Variants in LYZL4 observed in about 807,000 individuals in gnomAD.
The protein encoded by LYZL4 is lysozyme-like protein 4.
Under a neutral mutation model 17.6 loss-of-function variants are expected in LYZL4, and 13 were observed. That is an observed-to-expected ratio of 0.74 (90% CI 0.48 to 1.18). LYZL4 has a LOEUF of 1.18. LYZL4 is among the 50% of genes most tolerant of loss of function. The pLI is 0.00. For missense variants in LYZL4, 174 were observed against 188.2 expected, an observed-to-expected ratio of 0.92 and a Z score of 0.44; for synonymous variants, 64 against 67.7, an observed-to-expected ratio of 0.95 and a Z score of 0.27.
chr3:42,376,718 T>C, the LYZL4 span, among the ~76,000 whole-genome samples: 2 of 152,134 alleles, frequency 1.3e-5, no homozygotes, highest in Non-Finnish European at 2.9e-5. Context: ...TTCCCACTGG[T>C]AGCCTCAACC....
chr3:42,364,052 C>T, the LYZL4 span, among the ~76,000 whole-genome samples: 4 of 152,268 alleles, frequency 2.6e-5, no homozygotes, highest in South Asian at 4.1e-4. Flanking sequence ...GAACACAAGA[C>T]GGTAAGAGGC....
In LYZL4 at chr3:42,406,899, C is replaced by T. The variant is rs1288721857; in HGVS notation, c.239G>A (p.Gly80Asp). 1.9e-6 allele frequency: 3 copies of T among 1,614,088 alleles called. No homozygotes were observed. Among genetic ancestry groups the T allele is most frequent in the Admixed American group, 3.3e-5 (2 of 60,008 alleles). ...YTGFGLFQMR[G>D]SDWCGDHGRN... ...GCCATGGTCGCCACACCAGTCACTG[C>T]CACGCATCTGAAAGAGGCCAAAGCC... The change falls in exon 3 of 5, where the codon GGC (glycine) becomes GAC (aspartate). Residue 80 changes from glycine to aspartate, a missense_variant. By Grantham distance (94) the Gly-to-Asp change is moderately conservative. Transcript: ENST00000287748.
At chr3:42,384,259 C>T in the LYZL4 span, among the ~76,000 whole-genome samples, 4,360 of 152,218 alleles carry the variant, frequency 0.029, 218 homozygotes, top group African/African-American at 0.097. Flanking sequence ...TTCAGACATG[C>T]AACATCTCAA....
At chr3:42,368,182 C>T in the LYZL4 span, among the ~76,000 whole-genome samples, 6 of 152,196 alleles carry the variant, frequency 3.9e-5, no homozygotes, top group East Asian at 1.9e-4. Context: ...CTAGTTGCTG[C>T]GGAGCCCCAG....
At chr3:42,379,926 G>A in the LYZL4 span, among the ~76,000 whole-genome samples, 1 of 152,186 alleles carries the variant, frequency 6.6e-6, no homozygotes, top group East Asian at 1.9e-4. Flanking sequence ...AGGAAACACA[G>A]GATCTCTCTC....
chr3:42,376,461 A>T, the LYZL4 span, among the ~76,000 whole-genome samples: 1 of 152,234 alleles, frequency 6.6e-6, no homozygotes, highest in Non-Finnish European at 1.5e-5. Context: ...ACATGTGCTC[A>T]TCTGGCTGAT....
the LYZL4 span, among the ~76,000 whole-genome samples, chr3:42,385,995 C>A: frequency 6.6e-6 from 1 of 152,166 alleles, no homozygotes; most frequent in South Asian, 2.1e-4. Context: ...TCTGGAAGCT[C>A]TAGGGGATAA....
At chr3:42,390,310 A>G in the LYZL4 span, among the ~76,000 whole-genome samples, 1 of 152,214 alleles carries the variant, frequency 6.6e-6, no homozygotes, top group Non-Finnish European at 1.5e-5. Flanking sequence ...GATGAGCTAT[A>G]GATGTCAGCA....
chr3:42,394,254 C>T (rs247418), downstream of LYZL4, among the ~76,000 whole-genome samples: 39,386 of 152,142 alleles, frequency 0.26, 5,321 homozygotes, highest in Middle Eastern at 0.31. Flanking sequence ...TTGCCTAATA[C>T]CTCTTAAGTG....
the LYZL4 span, among the ~76,000 whole-genome samples, chr3:42,362,942 T>C: frequency 1.3e-5 from 2 of 152,180 alleles, no homozygotes; most frequent in Admixed American, 1.3e-4. Flanking sequence ...TCCTGAAAGA[T>C]GCAACATGAA....
the LYZL4 span, among the ~76,000 whole-genome samples, chr3:42,389,289 G>A: frequency 6.6e-6 from 1 of 152,148 alleles, no homozygotes; most frequent in Admixed American, 6.5e-5. Flanking sequence ...AGATTCACAG[G>A]CCAGAATTCT....
At chr3:42,384,530 A>G in the LYZL4 span, among the ~76,000 whole-genome samples, 2 of 152,256 alleles carry the variant, frequency 1.3e-5, no homozygotes, top group African/African-American at 4.8e-5. Flanking sequence ...AGAAAACCCA[A>G]TGAATCTGAA....
At chr3:42,388,762 C>A in the LYZL4 span, among the ~76,000 whole-genome samples, 1 of 152,206 alleles carries the variant, frequency 6.6e-6, no homozygotes, top group South Asian at 2.1e-4. Context: ...ACAATCAGTC[C>A]TGCTGAGGCT....
downstream of LYZL4, among the ~76,000 whole-genome samples, chr3:42,395,925 G>C (rs1429077848): frequency 6.6e-6 from 1 of 152,112 alleles, no homozygotes; most frequent in East Asian, 1.9e-4. Context: ...GCCAGGTGTT[G>C]TTGGTGCGTG....
downstream of LYZL4, among the ~76,000 whole-genome samples, chr3:42,396,134 T>C (rs1199199191): frequency 6.6e-6 from 1 of 152,212 alleles, no homozygotes; most frequent in African/African-American, 2.4e-5. Context: ...GTGTGTCATA[T>C]ACTGAAATAC....
At position 42,397,245 on chromosome 3, in the gene LYZL4, T is replaced by G. The variant is rs756921746; in HGVS notation, c.*20A>C. On this transcript the variant is annotated 3_prime_UTR_variant, in exon 5 of 5. Coordinates refer to ENST00000287748, the MANE Select transcript of LYZL4 (RefSeq NM_144634.4). Reference sequence around the variant, plus strand: ...TTCACAAGATGCAACTGGTGAGTGCTGCAGGGGCCATGCAGGTGGCTACAG... The same window carrying G: ...TTCACAAGATGCAACTGGTGAGTGCGGCAGGGGCCATGCAGGTGGCTACAG... 6.5e-6 allele frequency: 10 copies of G among 1,540,372 alleles called. No individual in the cohort carries two copies. The highest frequency in any genetic ancestry group is 7.9e-6 in the Non-Finnish European group (9 of 1,135,326).
the LYZL4 span, among the ~76,000 whole-genome samples, chr3:42,368,938 T>C: frequency 1.3e-5 from 2 of 152,252 alleles, no homozygotes; most frequent in African/African-American, 2.4e-5. Context: ...TATTGTGAAT[T>C]GCCTATTCAC....
At chr3:42,404,885 C>T (rs1474413326) in intron 3 of LYZL4, among the ~76,000 whole-genome samples, 1 of 152,124 alleles carries the variant, frequency 6.6e-6, no homozygotes, top group Non-Finnish European at 1.5e-5. Flanking sequence ...TTAACTTACA[C>T]TTTTAATGTG....
intron 1 of LYZL4, 54 bp from the exon 2 acceptor site, chr3:42,407,397 C>T (rs1012644525): frequency 1.4e-5 from 14 of 1,032,256 alleles, no homozygotes; most frequent in Admixed American, 2.7e-5. Context: ...ATGGGAGTCT[C>T]ACCTGGTAAG....
Sources: gnomAD v4.1 joint callset for allele counts (sites outside exome capture counted in the v4.1 genomes callset) on GRCh38, gnomAD v4.1.1 for gene constraint, MANE v1.5 for transcripts, NCBI Gene and HGNC (gene_info 2026-07-23, HGNC 2026-07-21) for gene names.